RNF180: variants seen among roughly 807,000 people sequenced by gnomAD.
RNF180 encodes E3 ubiquitin-protein ligase RNF180.
RNF180 carries 38 observed loss-of-function variants against 59.2 expected under a neutral mutation model. The observed-to-expected ratio is 0.64, with a 90% confidence interval of 0.50 to 0.84. The LOEUF is 0.84. Ranked by LOEUF, RNF180 falls within the 40% of genes least tolerant of loss-of-function variation. The pLI, the probability that RNF180 is intolerant of heterozygous loss-of-function variation, is 0.00. For missense variants in RNF180, 705 were observed against 700.9 expected (o/e 1.01, Z -0.07); for synonymous variants, 262 against 240.3 (o/e 1.09, Z -0.84).
At chr5:64,209,594 T>C (rs1276363026) in intron 2 of RNF180, among the ~76,000 whole-genome samples, 3 of 152,034 alleles carry the variant, frequency 2.0e-5, no homozygotes, top group Non-Finnish European at 2.9e-5. Flanking sequence ...ACTTTGACAT[T>C]GATAATCTAT....
At chr5:64,292,963 G>A (rs1243849283) in intron 5 of RNF180, among the ~76,000 whole-genome samples, 1 of 152,158 alleles carries the variant, frequency 6.6e-6, no homozygotes, top group Non-Finnish European at 1.5e-5. Context: ...CAGACTGCCT[G>A]GATTCCCCAG....
At chr5:64,247,832 A>C (rs1164375263) in intron 5 of RNF180, among the ~76,000 whole-genome samples, 3 of 152,074 alleles carry the variant, frequency 2.0e-5, no homozygotes, top group Non-Finnish European at 4.4e-5. Context: ...CAAAGCTGGA[A>C]CTATCACGCT....
At chr5:64,340,618 C>T (rs2112562454) in intron 7 of RNF180, among the ~76,000 whole-genome samples, 1 of 152,294 alleles carries the variant, frequency 6.6e-6, no homozygotes, top group Non-Finnish European at 1.5e-5. Context: ...AGACATGGGA[C>T]TGCCTTGGAG....
At chr5:64,365,866 ATTG>A (rs1158193400) in intron 7 of RNF180, among the ~76,000 whole-genome samples, 1 of 151,384 alleles carries the variant, frequency 6.6e-6, no homozygotes, top group Non-Finnish European at 1.5e-5. Context: ...TATAGGTGTC[ATTG>A]CATGTAAGAT....
rs184543645 is a variant in RNF180 at position 64,278,660 on chromosome 5, T to A, written c.1228-46526T>A. Among the ~76,000 whole-genome samples the A allele has an allele frequency of 4.1e-4, 63 of 152,320 alleles. No homozygotes were observed. The East Asian group carries it at 0.011, about 27-fold the overall frequency. On this transcript the variant is annotated intron_variant, in intron 5 of 7. Transcript: ENST00000389100. ...CCTTCTTAGATGAATAATAATTGGA[T>A]CGTGGTAACAGTAATTAAGATTTTG...
At chr5:64,177,243 T>C (rs1223446006) in intron 1 of RNF180, among the ~76,000 whole-genome samples, 2 of 152,022 alleles carry the variant, frequency 1.3e-5, no homozygotes, top group African/African-American at 4.8e-5. Context: ...CCCTACACAT[T>C]CCCGACTTAG....
chr5:64,348,946 A>C (rs1297960356), intron 7 of RNF180, among the ~76,000 whole-genome samples: 1 of 152,102 alleles, frequency 6.6e-6, no homozygotes, highest in African/African-American at 2.4e-5. Flanking sequence ...ATGATCTAAC[A>C]AGCGAGGTTC....
intron 5 of RNF180, among the ~76,000 whole-genome samples, chr5:64,318,769 A>G (rs1256294746): frequency 1.3e-5 from 2 of 152,200 alleles, no homozygotes; most frequent in African/African-American, 4.8e-5. Flanking sequence ...CAGACTCAGG[A>G]ATTTCTAGGC....
intron 5 of RNF180, among the ~76,000 whole-genome samples, chr5:64,294,192 A>G (rs1398336449): frequency 6.6e-6 from 1 of 152,228 alleles, no homozygotes; most frequent in Non-Finnish European, 1.5e-5. Flanking sequence ...TTTAAAGGGT[A>G]TAATTGGATT....
At chr5:64,197,895 T>G (rs1278475404) in intron 1 of RNF180, among the ~76,000 whole-genome samples, 3 of 152,196 alleles carry the variant, frequency 2.0e-5, no homozygotes, top group Non-Finnish European at 2.9e-5. Flanking sequence ...TCTCTTAGAT[T>G]GTGGCCCACT....
At chr5:64,230,438 A>T (rs749777821) in intron 5 of RNF180, among the ~76,000 whole-genome samples, 1 of 152,240 alleles carries the variant, frequency 6.6e-6, no homozygotes, top group Admixed American at 6.5e-5. Flanking sequence ...ACCTTGGCTC[A>T]TACAAAACTT....
At chr5:64,228,492 T>G in intron 5 of RNF180, among the ~76,000 whole-genome samples, 1 of 152,174 alleles carries the variant, frequency 6.6e-6, no homozygotes, top group Non-Finnish European at 1.5e-5. Flanking sequence ...CCATCCTGGA[T>G]GACAGAACAA....
At chr5:64,282,215 T>C (rs1458428919) in intron 5 of RNF180, among the ~76,000 whole-genome samples, 1 of 152,206 alleles carries the variant, frequency 6.6e-6, no homozygotes, top group African/African-American at 2.4e-5. Flanking sequence ...TATTACTGAT[T>C]CAATTTCAGA....
intron 7 of RNF180, among the ~76,000 whole-genome samples, chr5:64,337,502 A>C: frequency 6.6e-6 from 1 of 151,682 alleles, no homozygotes; most frequent in South Asian, 2.1e-4. Flanking sequence ...ATTTTTTTGC[A>C]ATCTTTTTTA....
Position 64,213,971 on chromosome 5 carries a change from G to A in RNF180, c.645G>A (p.Val215=). The A allele has an allele frequency of 6.2e-7, 1 of 1,613,988 alleles. No individual in the cohort carries two copies. The highest frequency in any genetic ancestry group is 8.5e-7 in the Non-Finnish European group (1 of 1,179,886). The part of the protein sequence containing the change: ...PKYQLFVPQL[V]TGRCATRAFH... ...ACCAGCTTTTTGTTCCCCAGCTTGTGACTGGCAGATGCGCTACAAGAGCTT... is the reference window on the plus strand; with the variant it reads ...ACCAGCTTTTTGTTCCCCAGCTTGTAACTGGCAGATGCGCTACAAGAGCTT... The change falls in exon 4 of 8, where the codon GTG becomes GTA. Residue 215 remains valine (V), a synonymous_variant. Transcript: ENST00000389100.
At chr5:64,212,587 T>A (rs532184709) in intron 3 of RNF180, among the ~76,000 whole-genome samples, 1 of 152,234 alleles carries the variant, frequency 6.6e-6, no homozygotes, top group Admixed American at 6.5e-5. Flanking sequence ...GTTGAATAAA[T>A]GGAATATTCT....
intron 5 of RNF180, among the ~76,000 whole-genome samples, chr5:64,225,689 G>T (rs1741683741): frequency 7.1e-6 from 1 of 141,518 alleles, no homozygotes; most frequent in Admixed American, 7.0e-5. Context: ...TCTGGGAAGT[G>T]AGGAGCGCCT....
chr5:64,184,270 G>C (rs541527108), intron 1 of RNF180, among the ~76,000 whole-genome samples: 1 of 152,276 alleles, frequency 6.6e-6, no homozygotes, highest in Admixed American at 6.5e-5. Flanking sequence ...TGTTATGGTA[G>C]TACTAGCAAA....
At chr5:64,302,265 A>G (rs1743198053) in intron 5 of RNF180, among the ~76,000 whole-genome samples, 1 of 151,704 alleles carries the variant, frequency 6.6e-6, no homozygotes, top group Non-Finnish European at 1.5e-5. Context: ...GCTGGTCAAT[A>G]GCAATTTTGA....
Sources: gnomAD v4.1 joint callset for allele counts (sites outside exome capture counted in the v4.1 genomes callset) on GRCh38, gnomAD v4.1.1 for gene constraint, MANE v1.5 for transcripts, NCBI Gene and HGNC (gene_info 2026-07-23, HGNC 2026-07-21) for gene names.